The following CNTN1 variants were observed in gnomAD, a reference collection of about 807,000 sequenced individuals.
CNTN1 encodes contactin-1.
A neutral mutation model predicts 126.4 loss-of-function variants in CNTN1; 38 were observed. The ratio of observed to expected loss-of-function variants is 0.30; its 90% CI spans 0.23 to 0.39. The LOEUF (loss-of-function observed/expected upper bound fraction) is 0.39, where lower values mean the gene tolerates loss of function less well. Among genes scored for constraint, CNTN1 ranks in the 10% least tolerant of loss-of-function variants. The pLI is 1.00. For synonymous variants in CNTN1, 413 were observed against 422.6 expected (o/e 0.98, Z 0.28); for missense variants, 1,009 against 1,248.4 (o/e 0.81, Z 2.89).
At chr12:40,842,025 A>G (rs1333515856) in intron 1 of CNTN1, among the ~76,000 whole-genome samples, 1 of 152,012 alleles carries the variant, frequency 6.6e-6, no homozygotes, top group Non-Finnish European at 1.5e-5. Context: ...ATAAAAAGAT[A>G]TTTTTAATTA....
At chr12:40,997,449 A>G (rs1948246578) in intron 17 of CNTN1, among the ~76,000 whole-genome samples, 1 of 142,172 alleles carries the variant, frequency 7.0e-6, no homozygotes, top group African/African-American at 2.5e-5. Flanking sequence ...ATTCTTTCTC[A>G]TTCTTTCTTT....
intron 16 of CNTN1, among the ~76,000 whole-genome samples, chr12:40,984,695 T>C (rs1592362988): frequency 6.6e-6 from 1 of 152,128 alleles, no homozygotes; most frequent in Admixed American, 6.6e-5. Context: ...AGATTTAGAG[T>C]GGACAAATAT....
At chr12:40,694,316 G>A (rs1413392133) in intron 1 of CNTN1, among the ~76,000 whole-genome samples, 2 of 152,144 alleles carry the variant, frequency 1.3e-5, no homozygotes, top group South Asian at 2.1e-4. Context: ...TTTGTACTAT[G>A]TGAACTTTCT....
At chr12:40,881,746 G>A (rs1028936286) in intron 1 of CNTN1, among the ~76,000 whole-genome samples, 31 of 151,770 alleles carry the variant, frequency 2.0e-4, no homozygotes, top group African/African-American at 6.5e-4. Context: ...TCTCGAGTAG[G>A]TGATTTGGGT....
chr12:40,951,074 A>G (rs1313876546), intron 14 of CNTN1, among the ~76,000 whole-genome samples: 2 of 152,148 alleles, frequency 1.3e-5, no homozygotes, highest in African/African-American at 4.8e-5. Context: ...AACCATATAA[A>G]TTAAATGATA....
chr12:40,864,898 A>T (rs527851256), intron 1 of CNTN1, among the ~76,000 whole-genome samples: 10 of 152,262 alleles, frequency 6.6e-5, no homozygotes, highest in Admixed American at 2.0e-4. Context: ...TTAAATTTGG[A>T]GGCAAAGTTA....
intron 16 of CNTN1, among the ~76,000 whole-genome samples, chr12:40,990,679 A>C (rs1948077250): frequency 6.6e-6 from 1 of 152,160 alleles, no homozygotes; most frequent in Admixed American, 6.5e-5. Flanking sequence ...ATGCACTCAA[A>C]ATCAGTCAAT....
intron 14 of CNTN1, among the ~76,000 whole-genome samples, chr12:40,951,714 T>TA (rs1294780787): frequency 0.45 from 36,081 of 79,446 alleles, 8,628 homozygotes; most frequent in African/African-American, 0.55. Flanking sequence ...GTCTCAAAAT[T>TA]TAAAAAAAAA....
intron 1 of CNTN1, chr12:40,828,072 G>A (rs1174144636): frequency 1.3e-5 from 2 of 152,176 alleles, no homozygotes; most frequent in Non-Finnish European, 2.9e-5. Flanking sequence ...TTATTTGAAA[G>A]TATTGCTATG....
At chr12:40,773,672 T>TAC (rs1179950857) in intron 1 of CNTN1, among the ~76,000 whole-genome samples, 4 of 9,698 alleles carry the variant, frequency 4.1e-4, no homozygotes, top group African/African-American at 5.9e-4. Context: ...TATATATATA[T>TAC]ACACATATAT....
chr12:40,983,015 A>C (rs1219055232), intron 16 of CNTN1, among the ~76,000 whole-genome samples: 3 of 151,948 alleles, frequency 2.0e-5, no homozygotes, highest in East Asian at 1.9e-4. Context: ...GGGTGCAGTA[A>C]ACCAACATGG....
At chr12:40,729,648 T>A (rs1198573132) in intron 1 of CNTN1, 2 of 219,726 alleles carry the variant, frequency 9.1e-6, no homozygotes, top group Admixed American at 4.5e-5. Context: ...GTCCACAAAC[T>A]TTTTCATACA....
At chr12:40,974,193 T>C (rs1355629162) in intron 15 of CNTN1, among the ~76,000 whole-genome samples, 1 of 152,096 alleles carries the variant, frequency 6.6e-6, no homozygotes, top group Non-Finnish European at 1.5e-5. Flanking sequence ...ATTAGTAAAA[T>C]CCAGGAAAGA....
chr12:40,858,753 T>G (rs904747508), intron 1 of CNTN1, among the ~76,000 whole-genome samples: 1 of 152,046 alleles, frequency 6.6e-6, no homozygotes, highest in African/African-American at 2.4e-5. Context: ...ATAGACTGGA[T>G]AAAGAAAATG....
intron 1 of CNTN1, among the ~76,000 whole-genome samples, chr12:40,796,710 G>C (rs1312805560): frequency 6.6e-6 from 1 of 152,026 alleles, no homozygotes; most frequent in African/African-American, 2.4e-5. Context: ...CTTCAGGAGA[G>C]ACAGAACTTA....
chr12:40,798,607 G>A (rs1227785536), intron 1 of CNTN1, among the ~76,000 whole-genome samples: 1 of 151,818 alleles, frequency 6.6e-6, no homozygotes, highest in African/African-American at 2.4e-5. Flanking sequence ...GATGGAACTG[G>A]AGGCCGTTAT....
intron 7 of CNTN1, among the ~76,000 whole-genome samples, chr12:40,932,798 CTT>C (rs1463009752): frequency 2.0e-5 from 3 of 151,978 alleles, no homozygotes; most frequent in African/African-American, 7.2e-5. Flanking sequence ...TTATTTGTCT[CTT>C]TAGCATTTTA....
At chr12:41,037,484 T>A (rs909681459) in intron 23 of CNTN1, among the ~76,000 whole-genome samples, 1 of 152,056 alleles carries the variant, frequency 6.6e-6, no homozygotes, top group Non-Finnish European at 1.5e-5. Context: ...CTGAGAGCAA[T>A]AGGTTATAAA....
chr12:40,693,049 C>G (rs1941343158), intron 1 of CNTN1, among the ~76,000 whole-genome samples: 1 of 152,214 alleles, frequency 6.6e-6, no homozygotes, highest in Non-Finnish European at 1.5e-5. Context: ...GCCTGGCTAG[C>G]GCATCCCGGA....
Sources: gnomAD v4.1 joint callset for allele counts (sites outside exome capture counted in the v4.1 genomes callset) on GRCh38, gnomAD v4.1.1 for gene constraint, MANE v1.5 for transcripts, NCBI Gene and HGNC (gene_info 2026-07-23, HGNC 2026-07-21) for gene names.